The following EHMT1 variants were observed in gnomAD, a reference collection of about 807,000 sequenced individuals.
The protein encoded by EHMT1 is euchromatic histone lysine methyltransferase 1, also known as histone-lysine N-methyltransferase EHMT1.
A neutral mutation model predicts 147.2 loss-of-function variants in EHMT1; 15 were observed. The ratio of observed to expected loss-of-function variants is 0.10; its 90% CI spans 0.07 to 0.16. EHMT1 has a LOEUF of 0.16. EHMT1 is among the 10% of genes least tolerant of loss of function. The probability of loss-of-function intolerance (pLI) is 1.00; values close to 1 mark genes in which losing one functional copy is unlikely to be tolerated. For synonymous variants in EHMT1, 795 were observed against 709.6 expected (o/e 1.12, Z -1.91); for missense variants, 1,587 against 1,772.4 (o/e 0.90, Z 1.88).
intron 1 of EHMT1, among the ~76,000 whole-genome samples, chr9:137,671,091 C>T (rs951044194): frequency 6.6e-6 from 1 of 152,304 alleles, no homozygotes; most frequent in African/African-American, 2.4e-5. Context: ...CCAGGGCCAC[C>T]GTGTGCTTGA....
At chr9:137,762,581 T>C in intron 9 of EHMT1, 94 bp from the exon 10 acceptor site, 1 of 1,594,002 alleles carries the variant, frequency 6.3e-7, no homozygotes, top group Non-Finnish European at 8.5e-7. Context: ...TTTCCTGGCG[T>C]GTGAGATCAC....
intron 3 of EHMT1, 126 bp from the exon 4 acceptor site, chr9:137,728,223 C>T (rs1946799599): frequency 7.3e-7 from 1 of 1,368,996 alleles, no homozygotes; most frequent in Non-Finnish European, 1.0e-6. Flanking sequence ...TTTCTCCTCT[C>T]TCCATTGTAT....
intron 1 of EHMT1, among the ~76,000 whole-genome samples, chr9:137,684,317 G>A (rs1324101586): frequency 2.6e-5 from 4 of 152,144 alleles, no homozygotes; most frequent in Admixed American, 6.5e-5. Context: ...ACAGGGGTGA[G>A]CCACTGTGCC....
chr9:137,722,539 G>A lies in EHMT1; in HGVS notation c.642+5357G>A, dbSNP rs567852533. On this transcript the variant is annotated intron_variant, in intron 3 of 26. Coordinates refer to ENST00000460843, the MANE Select transcript of EHMT1 (RefSeq NM_024757.5). ...GAAGGAGGGGGTGGACTGAGCCAGG[G>A]CAGGGCTGTGTGTGTGGGCCCCACG... is the stretch of plus-strand genomic sequence containing the variant. Among the ~76,000 whole-genome samples, 46 of 152,352 alleles carry A rather than the reference G, an allele frequency of 3.0e-4. 1 individual carries two copies. The highest frequency in any genetic ancestry group is 1.1e-3 in the African/African-American group (45 of 41,596).
intron 1 of EHMT1, among the ~76,000 whole-genome samples, chr9:137,627,104 G>A (rs1429951734): frequency 1.3e-5 from 2 of 151,990 alleles, no homozygotes; most frequent in East Asian, 1.9e-4. Context: ...GATTATAGGC[G>A]TGCGCCACCA....
intron 1 of EHMT1, among the ~76,000 whole-genome samples, chr9:137,649,150 T>TA (rs1845120374): frequency 6.6e-6 from 1 of 151,382 alleles, no homozygotes; most frequent in Non-Finnish European, 1.5e-5. Context: ...ACTTCAGAAA[T>TA]AGTGTTCTCC....
chr9:137,736,232 T>C (rs4355853), intron 4 of EHMT1, among the ~76,000 whole-genome samples: 20,251 of 152,228 alleles, frequency 0.13, 3,085 homozygotes, highest in African/African-American at 0.38. Context: ...GGACAATATA[T>C]AGTAATAAAA....
Position 137,794,497 on chromosome 9 carries a change from A to G in EHMT1, c.2505+3527A>G, listed in dbSNP as rs373317851. The stretch of plus-strand genomic sequence containing the variant: ...ACCCCATCTCTATAAGAAATGAAAA[A>G]TTAGCTGGGCGTGGTGGCACGTGCC... On this transcript the variant is annotated intron_variant, in intron 16 of 26. Transcript: ENST00000460843. Among the ~76,000 whole-genome samples the G allele has an allele frequency of 3.3e-5, 5 of 152,144 alleles. No homozygotes were observed. In the East Asian group the frequency reaches 5.8e-4, roughly 18 times the overall value.
chr9:137,808,331 G>A (rs951254016), intron 18 of EHMT1, among the ~76,000 whole-genome samples: 1 of 152,166 alleles, frequency 6.6e-6, no homozygotes, highest in African/African-American at 2.4e-5. Flanking sequence ...TACCCCCTGC[G>A]CCATGGTTGG....
intron 1 of EHMT1, among the ~76,000 whole-genome samples, chr9:137,688,734 A>C (rs1471036791): frequency 6.6e-6 from 1 of 152,190 alleles, no homozygotes; most frequent in Admixed American, 6.5e-5. Flanking sequence ...GTGTATTCTC[A>C]TGCACACGTT....
rs1564759712 is a variant in EHMT1, at chr9:137,786,745, CCGGGCTCCCGT to C, written c.2383-4101_2383-4091del. 6.5e-6 allele frequency: 1 copy of C among 153,426 alleles called. No homozygotes were observed. The highest frequency in any genetic ancestry group is 2.4e-5 in the African/African-American group (1 of 41,464). The allele number at this position is 153,426 out of a possible 1,614,324, so 9.5% of individuals were successfully genotyped here. On this transcript the variant is annotated intron_variant, in intron 15 of 26. Transcript: ENST00000460843. The surrounding 1 kb of genome is among the most constrained non-coding windows in gnomAD (Gnocchi z 4.3). ...TCTTGGCCGTGTGGCCTCATCTCTC[CCGGGCTCCCGT>C]CTTGGTCATGTGGAGTCATCTCCCC...
chr9:137,790,806 C>T lies in EHMT1; in HGVS notation c.2383-42C>T, dbSNP rs748201352. The T allele has an allele frequency of 2.5e-6, 4 of 1,614,090 alleles. No homozygotes were observed. The Admixed American group carries it at 6.7e-5, about 27-fold the overall frequency. The stretch of plus-strand genomic sequence containing the variant: ...GTCACTTCTCCCCAGGCGGTGGCTA[C>T]CGTCACAGCCCTCCCATACACCTGA... On this transcript the variant is annotated intron_variant, in intron 15 of 26. Transcript: ENST00000460843.
chr9:137,723,627 G>A (rs558283036), intron 3 of EHMT1, among the ~76,000 whole-genome samples: 15 of 152,210 alleles, frequency 9.9e-5, no homozygotes, highest in African/African-American at 3.6e-4. Flanking sequence ...TGTGGCCCGG[G>A]GTGTGCCCGT....
At chr9:137,814,660 A>G (rs563887202) in intron 22 of EHMT1, 152 bp downstream of exon 22, 20 of 813,206 alleles carry the variant, frequency 2.5e-5, no homozygotes, top group African/African-American at 2.2e-4. Flanking sequence ...GGGGAGGCAC[A>G]GCGGGCACCA....
intron 1 of EHMT1, among the ~76,000 whole-genome samples, chr9:137,620,525 C>T (rs530780638): frequency 6.6e-6 from 1 of 152,286 alleles, no homozygotes; most frequent in South Asian, 2.1e-4. Flanking sequence ...AAAGGAGTCT[C>T]CCACCTCGGG....
chr9:137,691,423 C>T (rs1425512463), intron 1 of EHMT1, among the ~76,000 whole-genome samples: 6 of 151,474 alleles, frequency 4.0e-5, no homozygotes, highest in Non-Finnish European at 1.5e-5. Flanking sequence ...AGTGATCTGC[C>T]CGCCTCAGCC....
chr9:137,808,815 G>T (rs1954169594), intron 18 of EHMT1, among the ~76,000 whole-genome samples: 1 of 152,238 alleles, frequency 6.6e-6, no homozygotes, highest in East Asian at 1.9e-4. Flanking sequence ...CCCAGCTACT[G>T]GGGAGGCTAA....
intron 1 of EHMT1, chr9:137,666,035 C>G (rs1194124849): frequency 1.3e-5 from 2 of 152,270 alleles, no homozygotes; most frequent in African/African-American, 4.8e-5. Context: ...GGGGTACAAG[C>G]AAGAAACGTG....
At chr9:137,746,442 T>C (rs1250514921) in intron 6 of EHMT1, 1 of 152,218 alleles carries the variant, frequency 6.6e-6, no homozygotes, top group Non-Finnish European at 1.5e-5. Context: ...TTGTCTGTAG[T>C]GTCAGAACTC....
Sources: allele counts gnomAD v4.1 joint callset (sites outside exome capture counted in the v4.1 genomes callset), GRCh38; gene constraint gnomAD v4.1.1; non-coding constraint Gnocchi (gnomAD v3.1); transcripts MANE v1.5; gene names NCBI Gene and HGNC (gene_info 2026-07-23, HGNC 2026-07-21).